TERF2: variants seen among roughly 807,000 people sequenced by gnomAD.
The protein encoded by TERF2 is telomeric repeat-binding factor 2.
A neutral mutation model predicts 56.1 loss-of-function variants in TERF2; 16 were observed. That is an observed-to-expected ratio of 0.29 (90% CI 0.19 to 0.43). The LOEUF (loss-of-function observed/expected upper bound fraction) is 0.43, where lower values mean the gene tolerates loss of function less well. Ranked by LOEUF, TERF2 falls within the 20% of genes least tolerant of loss-of-function variation. TERF2 has a pLI of 1.00. For synonymous variants in TERF2, 296 were observed against 282.1 expected (o/e 1.05, Z -0.50); for missense variants, 547 against 712.9 (o/e 0.77, Z 2.65).
intron 7 of TERF2, chr16:69,365,665 A>G (rs2013316033): frequency 6.6e-6 from 1 of 152,386 alleles, no homozygotes; most frequent in South Asian, 2.1e-4. Flanking sequence ...AGCTGGGACT[A>G]CAGGCGCCCA....
chr16:69,370,395 C>G (rs1304316254), intron 5 of TERF2, 88 bp downstream of exon 5: 2 of 1,513,414 alleles, frequency 1.3e-6, no homozygotes, highest in African/African-American at 2.8e-5. Flanking sequence ...GTCTTTTTCA[C>G]ACATCAACTC....
chr16:69,378,714 T>C (rs1257757802), intron 3 of TERF2, among the ~76,000 whole-genome samples: 3 of 152,218 alleles, frequency 2.0e-5, no homozygotes, highest in South Asian at 4.1e-4. Flanking sequence ...TATTTCCAGA[T>C]AGAATCCTCA....
chr16:69,357,415 T>G, intron 9 of TERF2, 103 bp downstream of exon 9: 1 of 948,334 alleles, frequency 1.1e-6, no homozygotes, highest in Non-Finnish European at 1.6e-6. Context: ...CAAAAAAAGG[T>G]TTTTACTGGG....
intron 3 of TERF2, among the ~76,000 whole-genome samples, chr16:69,381,905 G>C (rs1279084836): frequency 6.6e-6 from 1 of 151,434 alleles, no homozygotes; most frequent in Non-Finnish European, 1.5e-5. Context: ...TTTTTTAATG[G>C]GAGTTCTGAG....
intron 8 of TERF2, among the ~76,000 whole-genome samples, chr16:69,360,987 C>A (rs768577918): frequency 6.6e-6 from 1 of 152,038 alleles, no homozygotes; most frequent in East Asian, 1.9e-4. Context: ...AATCCCAGCA[C>A]TCTGGGAGGC....
chr16:69,377,840 G>A (rs535533665), intron 3 of TERF2, among the ~76,000 whole-genome samples: 1 of 151,858 alleles, frequency 6.6e-6, no homozygotes, highest in South Asian at 2.1e-4. Flanking sequence ...TAAACTTACA[G>A]GATTTTTTTT....
At chr16:69,368,318 C>A in intron 6 of TERF2, 58 bp downstream of exon 6, 10 of 1,537,472 alleles carry the variant, frequency 6.5e-6, no homozygotes, top group Non-Finnish European at 9.0e-6. Context: ...AAGGAGGAGA[C>A]TGCTTCCAGC....
At chr16:69,374,366 A>AT (rs1171643016) in intron 3 of TERF2, among the ~76,000 whole-genome samples, 1 of 152,084 alleles carries the variant, frequency 6.6e-6, no homozygotes, top group African/African-American at 2.4e-5. Context: ...CCGGTGGCTC[A>AT]TAACTGTAAT....
chr16:69,371,851 A>G (rs1047132680), intron 4 of TERF2, among the ~76,000 whole-genome samples: 2 of 152,168 alleles, frequency 1.3e-5, no homozygotes, highest in Non-Finnish European at 2.9e-5. Flanking sequence ...AAAAGGAAGA[A>G]GAAAAAATAA....
chr16:69,370,383 A>G (rs1285293773), intron 5 of TERF2, 100 bp downstream of exon 5: 17 of 1,475,980 alleles, frequency 1.2e-5, no homozygotes, highest in Non-Finnish European at 2.7e-6. Flanking sequence ...ATACAATTCA[A>G]TGTCTTTTTC....
intron 8 of TERF2, 55 bp downstream of exon 8, chr16:69,361,349 C>A (rs374806959): frequency 4.1e-6 from 5 of 1,228,790 alleles, no homozygotes; most frequent in Admixed American, 1.7e-5. Flanking sequence ...GACAGTAACA[C>A]GCATCTGTAC....
At position 69,385,784 on chromosome 16, in the gene TERF2, C is replaced by T. The variant is rs1410828727; in HGVS notation, c.188G>A (p.Arg63His). 2.3e-6 allele frequency: 3 copies of T among 1,297,650 alleles called. No individual in the cohort carries two copies. Among genetic ancestry groups the T allele is most frequent in the South Asian group, 4.9e-5 (2 of 41,194 alleles). 80.4% of individuals were successfully genotyped at this position (1,297,650 alleles called of 1,614,324 possible). A position where few individuals can be genotyped will look rare whatever the true frequency, so the allele number is the denominator to read the frequency against. Residue 63 changes from arginine (R) to histidine (H), a missense_variant, in exon 1 of 10, where the codon CGC becomes CAC. By Grantham distance (29) the Arg-to-His change is conservative. Coordinates refer to ENST00000254942, the MANE Select transcript of TERF2 (RefSeq NM_005652.5). ...SGRAAGRRAS[R>H]SSGRARRGRH... ...CCCCCGCCGGGCCCGCCCGCTACTG[C>T]GGGACGCCCGCCTGCCAGCTGCCCG...
chr16:69,366,510 G>A (rs1376350960), intron 7 of TERF2: 4 of 372,642 alleles, frequency 1.1e-5, no homozygotes. Context: ...CTAATGTTTA[G>A]AAGTCAAGAC....
At chr16:69,361,214 AGAGCAAGACCCTGTCT>A in intron 8 of TERF2, 174 bp downstream of exon 8, 1 of 591,118 alleles carries the variant, frequency 1.7e-6, no homozygotes, top group East Asian at 2.8e-5. Flanking sequence ...CCTGGGTGAC[AGAGCAAGACCCTGTCT>A]GAAAAAGGAA....
chr16:69,360,652 G>A (rs1004720914), intron 8 of TERF2, among the ~76,000 whole-genome samples: 1 of 141,520 alleles, frequency 7.1e-6, no homozygotes, highest in Non-Finnish European at 1.5e-5. Context: ...CGGCTACAGT[G>A]AGCCAAGATC....
At chr16:69,371,063 A>G (rs1218792411) in intron 4 of TERF2, among the ~76,000 whole-genome samples, 3 of 149,064 alleles carry the variant, frequency 2.0e-5, no homozygotes, top group Middle Eastern at 3.4e-3. Flanking sequence ...GGATAAAAGA[A>G]AAAAAAAAAG....
chr16:69,373,466 A>G (rs1394738343), intron 3 of TERF2, among the ~76,000 whole-genome samples: 2 of 152,232 alleles, frequency 1.3e-5, no homozygotes, highest in African/African-American at 4.8e-5. Context: ...TATATGATAG[A>G]ATAAAGTAGC....
intron 3 of TERF2, among the ~76,000 whole-genome samples, chr16:69,379,060 A>T (rs1176908427): frequency 6.6e-6 from 1 of 152,190 alleles, no homozygotes; most frequent in Non-Finnish European, 1.5e-5. Context: ...GGGTATAAGC[A>T]ATATCAATGG....
rs779371472 is a variant in TERF2, at chr16:69,368,329, G to T, written c.947+47C>A. The stretch of plus-strand genomic sequence containing the variant: ...GCCTAAGGAGGAGACTGCTTCCAGC[G>T]ACCACCCTAGTGTTTTACCCAAGAT... On this transcript the variant is annotated intron_variant, in intron 6 of 9. Transcript: ENST00000254942. 8.9e-6 allele frequency: 14 copies of T among 1,581,346 alleles called. No homozygotes were observed. In the African/African-American group the frequency reaches 1.3e-4, roughly 15 times the overall value.
Sources: allele counts gnomAD v4.1 joint callset (sites outside exome capture counted in the v4.1 genomes callset), GRCh38; gene constraint gnomAD v4.1.1; transcripts MANE v1.5; gene names NCBI Gene and HGNC (gene_info 2026-07-23, HGNC 2026-07-21).